The following MMD2 variants were observed in gnomAD, a reference collection of about 807,000 sequenced individuals.
MMD2 encodes the protein monocyte to macrophage differentiation associated 2, also known as monocyte to macrophage differentiation factor 2.
A neutral mutation model predicts 33.5 loss-of-function variants in MMD2; 30 were observed. That is an observed-to-expected ratio of 0.90 (90% CI 0.67 to 1.22). The LOEUF is 1.22. MMD2 is among the 50% of genes most tolerant of loss of function. The pLI is 0.00. For missense variants in MMD2, 364 were observed against 325.4 expected (o/e 1.12, Z -0.91); for synonymous variants, 129 against 123.0 (o/e 1.05, Z -0.32).
At chr7:4,954,866 C>T (rs948673674) in intron 1 of MMD2, among the ~76,000 whole-genome samples, 5 of 152,108 alleles carry the variant, frequency 3.3e-5, no homozygotes, top group African/African-American at 1.2e-4. Context: ...TTCATGTTTA[C>T]ATCTTTCATC....
chr7:4,922,044 G>A (rs1314230899), intron 2 of MMD2, among the ~76,000 whole-genome samples: 1 of 151,796 alleles, frequency 6.6e-6, no homozygotes, highest in African/African-American at 2.4e-5. Context: ...TGGCCAACAT[G>A]GTAAAACCCC....
At chr7:4,923,001 C>A (rs117052034) in intron 2 of MMD2, among the ~76,000 whole-genome samples, 2,611 of 152,296 alleles carry the variant, frequency 0.017, 36 homozygotes, top group South Asian at 0.033. Flanking sequence ...TATGAATATG[C>A]CTTGTGTTTA....
chr7:4,956,739 A>C (rs1424912540), intron 1 of MMD2, among the ~76,000 whole-genome samples: 1 of 152,162 alleles, frequency 6.6e-6, no homozygotes, highest in Non-Finnish European at 1.5e-5. Flanking sequence ...TGAGACATCT[A>C]CCAAGGTCAC....
chr7:4,896,974 C>T, the MMD2 span, among the ~76,000 whole-genome samples: 1 of 152,026 alleles, frequency 6.6e-6, no homozygotes, highest in East Asian at 1.9e-4. Context: ...ATTCTCCTGC[C>T]TCAGCCTCTG....
At chr7:4,955,469 A>G (rs1432487993) in intron 1 of MMD2, among the ~76,000 whole-genome samples, 1 of 152,208 alleles carries the variant, frequency 6.6e-6, no homozygotes, top group East Asian at 1.9e-4. Flanking sequence ...AGATACCAAT[A>G]CGGTAGACAC....
chr7:4,922,497 C>A (rs1487478134), intron 2 of MMD2, among the ~76,000 whole-genome samples: 7 of 152,126 alleles, frequency 4.6e-5, no homozygotes, highest in Non-Finnish European at 8.8e-5. Flanking sequence ...CAGCAGCTAT[C>A]CATGCTACTT....
At chr7:4,894,093 C>T in the MMD2 span, among the ~76,000 whole-genome samples, 5 of 152,212 alleles carry the variant, frequency 3.3e-5, no homozygotes, top group South Asian at 1.0e-3. This position sits in a 1 kb window ranked among gnomAD's most constrained non-coding sequence, Gnocchi z 4.3. Flanking sequence ...TTTTACTCAG[C>T]CCCTATTCAA....
At chr7:4,899,960 A>G in the MMD2 span, among the ~76,000 whole-genome samples, 2 of 152,150 alleles carry the variant, frequency 1.3e-5, no homozygotes, top group African/African-American at 4.8e-5. Flanking sequence ...GCAAAGAGAA[A>G]GTTGTCAGGA....
At position 4,925,486 on chromosome 7, in the gene MMD2, CTG is replaced by C; in HGVS notation, c.92_93del (p.Thr31ArgfsTer3). ...RVPAHKRYQPTEYEHAANCAT... is the reference protein window; with the variant it reads ...RVPAHKRYQPXEYEHAANCAT... ...GCACAGTTGGCCGCATGTTCATACT[CTG>C]TGGGCTGGTACCTCTTGTGGGCAGG... On this transcript the variant is annotated frameshift_variant, in exon 2 of 7. Coordinates refer to ENST00000401401, the MANE Select transcript of MMD2 (RefSeq NM_198403.4). LOFTEE classifies it high-confidence loss of function. The C allele has an allele frequency of 6.3e-7, 1 of 1,582,622 alleles. No individual in the cohort carries two copies. The highest frequency in any genetic ancestry group is 8.6e-7 in the Non-Finnish European group (1 of 1,162,508).
intron 1 of MMD2, among the ~76,000 whole-genome samples, chr7:4,945,472 T>C (rs1786049396): frequency 6.6e-6 from 1 of 151,762 alleles, no homozygotes; most frequent in South Asian, 2.1e-4. Context: ...TTCACCATGT[T>C]GGCCAGGCTG....
chr7:4,928,140 G>T (rs1485190800), intron 1 of MMD2, among the ~76,000 whole-genome samples: 1 of 152,170 alleles, frequency 6.6e-6, no homozygotes, highest in East Asian at 1.9e-4. Flanking sequence ...CCAAGCAGCA[G>T]CCACCCAATG....
chr7:4,951,101 C>G lies in MMD2; in HGVS notation c.47+7870G>C, dbSNP rs1040967418. On this transcript the variant is annotated intron_variant, in intron 1 of 6. Coordinates refer to ENST00000401401, the MANE Select transcript of MMD2 (RefSeq NM_198403.4). ...GCCTGATGTCCACAGGCAACTCCCA[C>G]AGTCCAGGAGGTGAAGGGCAGCCCC... Among the ~76,000 whole-genome samples, 5 of 152,220 alleles carry G rather than the reference C, an allele frequency of 3.3e-5. No homozygotes were observed. The South Asian group carries it at 8.3e-4, about 25-fold the overall frequency.
In MMD2 at chr7:4,907,302, G is replaced by A. The variant is rs1320764889; in HGVS notation, c.*94C>T. The stretch of plus-strand genomic sequence containing the variant: ...GCCATCAAGAACTCTACCCAATAAA[G>A]GGAAGACAGGCCTTGGCGCTGTGCT... On this transcript the variant is annotated 3_prime_UTR_variant, in exon 7 of 7. Coordinates refer to ENST00000401401, the MANE Select transcript of MMD2 (RefSeq NM_198403.4). The A allele has an allele frequency of 1.4e-5, 18 of 1,259,412 alleles. No homozygotes were observed. Among genetic ancestry groups the A allele is most frequent in the Non-Finnish European group, 1.8e-5 (16 of 872,538 alleles). The allele number at this position is 1,259,412 out of a possible 1,614,324, so 78.0% of individuals were successfully genotyped here. A position where few individuals can be genotyped will look rare whatever the true frequency, so the allele number is the denominator to read the frequency against.
At chr7:4,898,802 G>C in the MMD2 span, among the ~76,000 whole-genome samples, 4 of 152,144 alleles carry the variant, frequency 2.6e-5, no homozygotes, top group African/African-American at 9.7e-5. Context: ...GGGAGGCTGA[G>C]ACAGGATAAT....
In MMD2 at chr7:4,950,167, C is replaced by T. The variant is rs534372623; in HGVS notation, c.47+8804G>A. On this transcript the variant is annotated intron_variant, in intron 1 of 6. Transcript: ENST00000401401. ...CAGGCTGGAGTGCGATGGGCAATCT[C>T]AGCTCACCACAACCTCCACCTCCTG... Among the ~76,000 whole-genome samples the T allele has an allele frequency of 9.9e-5, 15 of 151,952 alleles. No homozygotes were observed. The East Asian group carries it at 2.3e-3, about 24-fold the overall frequency.
chr7:4,910,482 A>ACAT (rs1784977645), intron 5 of MMD2, among the ~76,000 whole-genome samples: 1 of 151,530 alleles, frequency 6.6e-6, no homozygotes, highest in African/African-American at 2.4e-5. Context: ...CATCCCCATC[A>ACAT]CTCGAAAGAA....
At chr7:4,911,366 G>C in intron 4 of MMD2, 120 bp from the exon 5 acceptor site, 1 of 718,870 alleles carries the variant, frequency 1.4e-6, no homozygotes, top group Non-Finnish European at 2.3e-6. Context: ...GTGACTCCAC[G>C]GCTGGGACAT....
chr7:4,916,371 CTTTTTTTTTTT>C (rs553309427), intron 3 of MMD2, among the ~76,000 whole-genome samples: 72 of 64,784 alleles, frequency 1.1e-3, no homozygotes, highest in Admixed American at 4.5e-3. Context: ...CTCCGTCCCA[CTTTTTTTTTTT>C]TTTTTTTTTT....
At chr7:4,924,141 G>A (rs962268019) in intron 2 of MMD2, among the ~76,000 whole-genome samples, 6 of 152,142 alleles carry the variant, frequency 3.9e-5, no homozygotes, top group African/African-American at 9.7e-5. Flanking sequence ...GCAGTGAGCC[G>A]AGATCGCACC....
Sources: allele counts gnomAD v4.1 joint callset (sites outside exome capture counted in the v4.1 genomes callset), GRCh38; gene constraint gnomAD v4.1.1; non-coding constraint Gnocchi (gnomAD v3.1); transcripts MANE v1.5; gene names NCBI Gene and HGNC (gene_info 2026-07-23, HGNC 2026-07-21).